The following PDPR variants were observed in gnomAD, a reference collection of about 807,000 sequenced individuals.
PDPR encodes pyruvate dehydrogenase phosphatase regulatory subunit.
In PDPR, 50 loss-of-function variants were observed where a neutral mutation model predicts 102.2. The ratio of observed to expected loss-of-function variants is 0.49; its 90% CI spans 0.39 to 0.62. The LOEUF is 0.62. Ranked by LOEUF, PDPR falls within the 20% of genes least tolerant of loss-of-function variation. The probability of loss-of-function intolerance (pLI) is 0.00; values close to 1 mark genes in which losing one functional copy is unlikely to be tolerated. For missense variants in PDPR, 625 were observed against 1,098.2 expected, an observed-to-expected ratio of 0.57 and a Z score of 6.09; for synonymous variants, 259 against 406.0, an observed-to-expected ratio of 0.64 and a Z score of 4.35.
At chr16:70,115,454 A>G (rs1314520711) in intron 2 of PDPR, among the ~76,000 whole-genome samples, 3 of 152,316 alleles carry the variant, frequency 2.0e-5, no homozygotes, top group Non-Finnish European at 4.4e-5. Flanking sequence ...TTGCGTGATC[A>G]CCTGGTGTAC....
chr16:70,152,071 T>C (rs1966779272), intron 17 of PDPR, among the ~76,000 whole-genome samples: 1 of 152,246 alleles, frequency 6.6e-6, no homozygotes, highest in Non-Finnish European at 1.5e-5. Flanking sequence ...GGTGGGAGAG[T>C]ACCACATTCC....
intron 16 of PDPR, among the ~76,000 whole-genome samples, chr16:70,148,005 C>T (rs1398485888): frequency 6.6e-6 from 1 of 152,222 alleles, no homozygotes; most frequent in African/African-American, 2.4e-5. Flanking sequence ...TTCTGAGAAT[C>T]AGAAGCCCAT....
intron 4 of PDPR, among the ~76,000 whole-genome samples, chr16:70,127,647 A>C (rs1964111238): frequency 6.6e-6 from 1 of 152,248 alleles, no homozygotes; most frequent in African/African-American, 2.4e-5. Flanking sequence ...AAAATATGTA[A>C]ATTATCCTTA....
chr16:70,113,700 C>G (rs1168289488), upstream of PDPR: 1 of 138,172 alleles, frequency 7.2e-6, no homozygotes, highest in African/African-American at 2.5e-5. Flanking sequence ...TTCTCTGAGA[C>G]TTCAGTGATT....
intron 16 of PDPR, 66 bp downstream of exon 16, chr16:70,146,294 T>C: frequency 1.9e-6 from 3 of 1,608,860 alleles, no homozygotes; most frequent in Non-Finnish European, 2.5e-6. Flanking sequence ...CGGTGGCAGG[T>C]ACATATTCTT....
At chr16:70,151,861 C>T (rs1373555678) in intron 17 of PDPR, among the ~76,000 whole-genome samples, 2 of 152,204 alleles carry the variant, frequency 1.3e-5, no homozygotes, top group African/African-American at 4.8e-5. Flanking sequence ...TCGTTTTGTT[C>T]ACACTAAATC....
chr16:70,152,308 C>T (rs1244621235), intron 17 of PDPR, among the ~76,000 whole-genome samples: 2 of 152,284 alleles, frequency 1.3e-5, no homozygotes, highest in East Asian at 3.8e-4. Flanking sequence ...CATCTGAGGT[C>T]AGGAGTTCGA....
intron 2 of PDPR, among the ~76,000 whole-genome samples, chr16:70,118,669 G>A (rs144102053): frequency 9.8e-4 from 149 of 152,272 alleles, no homozygotes; most frequent in African/African-American, 3.2e-3. Flanking sequence ...GGGGCTTGAA[G>A]GAGAGGAAAG....
Position 70,117,653 on chromosome 16 carries a change from C to T in PDPR, c.-33+2723C>T, listed in dbSNP as rs577626011. On this transcript the variant is annotated intron_variant, in intron 2 of 18. Coordinates refer to ENST00000288050, the MANE Select transcript of PDPR (RefSeq NM_017990.5). ...AGCCGAATAGAACACTCACGCCTCA[C>T]CTGATATGTTTGACGAATTACAGGT... is the stretch of plus-strand genomic sequence containing the variant. 1.3e-5 allele frequency among the ~76,000 whole-genome samples: 2 copies of T among 152,290 alleles called. 1 individual carries two copies. Among genetic ancestry groups the T allele is most frequent in the Non-Finnish European group, 2.9e-5 (2 of 68,024 alleles).
At chr16:70,125,398 A>G (rs28478116) in intron 3 of PDPR, among the ~76,000 whole-genome samples, 1 of 147,094 alleles carries the variant, frequency 6.8e-6, no homozygotes, top group Non-Finnish European at 1.5e-5. Context: ...AAACAAAAAA[A>G]CAAAAATTAG....
intron 2 of PDPR, among the ~76,000 whole-genome samples, chr16:70,119,942 A>T (rs1338064950): frequency 6.8e-6 from 1 of 147,156 alleles, no homozygotes; most frequent in Non-Finnish European, 1.5e-5. Context: ...TTTGAGACGG[A>T]GTCTCGCTCT....
intron 9 of PDPR, among the ~76,000 whole-genome samples, chr16:70,132,659 CT>C (rs1964659774): frequency 1.1e-4 from 1 of 9,482 alleles, no homozygotes. Flanking sequence ...TTTTTTTTTT[CT>C]TCTTTTTGGT....
intron 4 of PDPR, 139 bp from the exon 5 acceptor site, chr16:70,128,645 C>G: frequency 6.7e-7 from 1 of 1,501,966 alleles, no homozygotes; most frequent in East Asian, 2.5e-5. Context: ...CTCAGAGAAG[C>G]TGATTTACCT....
chr16:70,123,947 C>G (rs1208584177), intron 3 of PDPR, among the ~76,000 whole-genome samples: 10 of 152,132 alleles, frequency 6.6e-5, no homozygotes. Context: ...CTCAGCTACT[C>G]GGGAGGCTGA....
intron 18 of PDPR, among the ~76,000 whole-genome samples, chr16:70,154,329 GA>G (rs1385941731): frequency 6.6e-6 from 1 of 152,158 alleles, no homozygotes; most frequent in Non-Finnish European, 1.5e-5. Context: ...CTCCGTCTCA[GA>G]AAAAAGAAAA....
At chr16:70,155,192 C>CAAAAAAAAAA (rs200366472) in intron 18 of PDPR, among the ~76,000 whole-genome samples, 1 of 146,026 alleles carries the variant, frequency 6.8e-6, no homozygotes. Context: ...GCTCCATCTC[C>CAAAAAAAAAA]AAAAAAAAAA....
chr16:70,141,580 C>G (rs1286429885), intron 11 of PDPR, among the ~76,000 whole-genome samples: 1 of 152,288 alleles, frequency 6.6e-6, no homozygotes, highest in South Asian at 2.1e-4. Context: ...CCACCTGTGT[C>G]CCACTTAGTA....
intron 3 of PDPR, among the ~76,000 whole-genome samples, chr16:70,126,700 T>C (rs1964011299): frequency 6.6e-6 from 1 of 152,266 alleles, no homozygotes. Flanking sequence ...ATTTTTATCT[T>C]TTTTTGGTAG....
At chr16:70,154,010 T>G (rs1286954682) in intron 18 of PDPR, among the ~76,000 whole-genome samples, 1 of 152,232 alleles carries the variant, frequency 6.6e-6, no homozygotes, top group Non-Finnish European at 1.5e-5. Flanking sequence ...AAACCCCGTC[T>G]CTACTAAAAA....
Sources: allele counts gnomAD v4.1 joint callset (sites outside exome capture counted in the v4.1 genomes callset), GRCh38; gene constraint gnomAD v4.1.1; transcripts MANE v1.5; gene names NCBI Gene and HGNC (gene_info 2026-07-23, HGNC 2026-07-21).